The following MYO16 variants were observed in gnomAD, a reference collection of about 807,000 sequenced individuals.
The protein encoded by MYO16 is unconventional myosin-XVI.
MYO16 carries 94 observed loss-of-function variants against 205.3 expected under a neutral mutation model. The observed-to-expected ratio is 0.46, with a 90% confidence interval of 0.39 to 0.54. The LOEUF is 0.54. Among genes scored for constraint, MYO16 ranks in the 20% least tolerant of loss-of-function variants. The probability of loss-of-function intolerance (pLI) is 0.00; values close to 1 mark genes in which losing one functional copy is unlikely to be tolerated. For synonymous variants in MYO16, 988 were observed against 954.0 expected, an observed-to-expected ratio of 1.04 and a Z score of -0.66; for missense variants, 2,315 against 2,387.5, an observed-to-expected ratio of 0.97 and a Z score of 0.63.
At chr13:108,690,240 C>A (rs1476884803) in intron 2 of MYO16, among the ~76,000 whole-genome samples, 1 of 151,844 alleles carries the variant, frequency 6.6e-6, no homozygotes, top group Non-Finnish European at 1.5e-5. Context: ...AACAGCCATC[C>A]TTTATTCTTT....
chr13:108,571,622 G>A, the MYO16 span, among the ~76,000 whole-genome samples: 2 of 152,104 alleles, frequency 1.3e-5, no homozygotes, highest in African/African-American at 4.8e-5. Context: ...ATGTGAGCAG[G>A]AGGTCTGCAG....
chr13:109,204,693 C>T (rs527924366), intron 34 of MYO16, among the ~76,000 whole-genome samples: 6 of 152,114 alleles, frequency 3.9e-5, no homozygotes, highest in African/African-American at 1.4e-4. Flanking sequence ...ATAGATGATG[C>T]GAACAAATGG....
chr13:108,623,948 A>T (rs1042057488), intron 1 of MYO16, among the ~76,000 whole-genome samples: 1 of 152,220 alleles, frequency 6.6e-6, no homozygotes, highest in African/African-American at 2.4e-5. Context: ...AGCAATAAAA[A>T]AATCAAGAAC....
At chr13:109,039,865 A>C (rs529931881) in intron 23 of MYO16, among the ~76,000 whole-genome samples, 8 of 152,324 alleles carry the variant, frequency 5.3e-5, no homozygotes, top group Admixed American at 2.0e-4. Flanking sequence ...ATTAGAAAAA[A>C]AGGAGAAAAT....
At chr13:108,638,871 C>A (rs540792689) in intron 1 of MYO16, among the ~76,000 whole-genome samples, 7 of 152,154 alleles carry the variant, frequency 4.6e-5, no homozygotes, top group African/African-American at 1.7e-4. Context: ...GGAGCTGGGG[C>A]AAGCTCATCA....
chr13:109,163,445 T>C (rs945920520), intron 32 of MYO16, among the ~76,000 whole-genome samples: 3 of 147,716 alleles, frequency 2.0e-5, no homozygotes, highest in African/African-American at 5.0e-5. Flanking sequence ...TCTGGGGAGA[T>C]GGAACCTTCC....
intron 15 of MYO16, among the ~76,000 whole-genome samples, chr13:108,903,939 T>A (rs1594383860): frequency 6.6e-6 from 1 of 152,332 alleles, no homozygotes; most frequent in East Asian, 1.9e-4. Flanking sequence ...TATGGTGGAT[T>A]GTTTTTCTTT....
At chr13:108,651,656 T>C (rs1295710585) in intron 1 of MYO16, among the ~76,000 whole-genome samples, 1 of 152,242 alleles carries the variant, frequency 6.6e-6, no homozygotes, top group Admixed American at 6.5e-5. Flanking sequence ...TATTGATACA[T>C]AATTTAAAGA....
chr13:108,701,076 G>A (rs1449584516), intron 2 of MYO16, among the ~76,000 whole-genome samples: 1 of 152,062 alleles, frequency 6.6e-6, no homozygotes, highest in African/African-American at 2.4e-5. Context: ...TGACTACTAC[G>A]ATAAATGAGC....
chr13:108,567,184 C>T, the MYO16 span, among the ~76,000 whole-genome samples: 1 of 151,960 alleles, frequency 6.6e-6, no homozygotes, highest in African/African-American at 2.4e-5. Context: ...AGTAGTTTAG[C>T]CTCGGAGATA....
chr13:108,576,816 C>T, the MYO16 span, among the ~76,000 whole-genome samples: 1 of 151,960 alleles, frequency 6.6e-6, no homozygotes, highest in Non-Finnish European at 1.5e-5. Context: ...GGCTGGAGTG[C>T]AGTGGTGCAA....
At chr13:109,044,556 A>G (rs181249488) in intron 23 of MYO16, among the ~76,000 whole-genome samples, 5 of 152,204 alleles carry the variant, frequency 3.3e-5, no homozygotes, top group African/African-American at 1.2e-4. Flanking sequence ...TGATGATCAT[A>G]CCTGTTATAT....
the MYO16 span, among the ~76,000 whole-genome samples, chr13:108,543,746 T>C: frequency 1.1e-4 from 17 of 148,460 alleles, no homozygotes; most frequent in East Asian, 3.9e-4. Context: ...TTTTCTTTTT[T>C]TTTTTTTTTT....
Position 109,168,434 on chromosome 13 carries a change from C to T in MYO16, c.5323+3375C>T, listed in dbSNP as rs143644684. The stretch of plus-strand genomic sequence containing the variant: ...TCATATATTTGAACGTCAAAAATTA[C>T]ATCTCTAGGCCAGGCGCGGTGGCTC... On this transcript the variant is annotated intron_variant, in intron 33 of 34. Transcript: ENST00000457511. 2.5e-3 allele frequency among the ~76,000 whole-genome samples: 374 copies of T among 152,208 alleles called. 4 individuals carry two copies. The highest frequency in any genetic ancestry group is 4.5e-3 in the Non-Finnish European group (308 of 68,012).
chr13:108,701,125 A>G (rs768286270), intron 2 of MYO16, among the ~76,000 whole-genome samples: 11 of 152,302 alleles, frequency 7.2e-5, no homozygotes, highest in Non-Finnish European at 1.2e-4. Flanking sequence ...TAATATAGAC[A>G]TTGCAGATTT....
At chr13:108,876,984 CAA>C (rs34654179) in intron 12 of MYO16, among the ~76,000 whole-genome samples, 1 of 152,060 alleles carries the variant, frequency 6.6e-6, no homozygotes, top group African/African-American at 2.4e-5. Context: ...TATTCTTTTA[CAA>C]AAAAGCTGTT....
chr13:108,655,102 G>C (rs557652231), intron 1 of MYO16, among the ~76,000 whole-genome samples: 2 of 151,884 alleles, frequency 1.3e-5, no homozygotes, highest in South Asian at 4.1e-4. Flanking sequence ...GCAGCCGAAT[G>C]TTAATCCCCA....
intron 27 of MYO16, among the ~76,000 whole-genome samples, chr13:109,066,146 C>T (rs1390112539): frequency 6.6e-6 from 1 of 152,186 alleles, no homozygotes; most frequent in Admixed American, 6.5e-5. Context: ...AGAAGACACA[C>T]TTCCATCTAT....
At chr13:108,617,291 C>A (rs1879381546) in intron 1 of MYO16, among the ~76,000 whole-genome samples, 1 of 152,166 alleles carries the variant, frequency 6.6e-6, no homozygotes, top group Admixed American at 6.6e-5. Context: ...CAAACAAGTT[C>A]TCTGGGGATG....
Sources: allele counts gnomAD v4.1 joint callset (sites outside exome capture counted in the v4.1 genomes callset), GRCh38; gene constraint gnomAD v4.1.1; transcripts MANE v1.5; gene names NCBI Gene and HGNC (gene_info 2026-07-23, HGNC 2026-07-21).